Variants in LARP4B observed in about 807,000 individuals in gnomAD.
The protein encoded by LARP4B is la-related protein 4B.
LARP4B carries 12 observed loss-of-function variants against 89.8 expected under a neutral mutation model. The ratio of observed to expected loss-of-function variants is 0.13; its 90% CI spans 0.09 to 0.22. The LOEUF (loss-of-function observed/expected upper bound fraction) is 0.22. Ranked by LOEUF, LARP4B falls within the 10% of genes least tolerant of loss-of-function variation. The pLI, the probability that LARP4B is intolerant of heterozygous loss-of-function variation, is 1.00. For synonymous variants in LARP4B, 367 were observed against 363.3 expected, an observed-to-expected ratio of 1.01 and a Z score of -0.12; for missense variants, 757 against 947.7, an observed-to-expected ratio of 0.80 and a Z score of 2.64.
intron 7 of LARP4B, among the ~76,000 whole-genome samples, chr10:836,951 A>G (rs1833252988): frequency 6.6e-6 from 1 of 152,190 alleles, no homozygotes; most frequent in African/African-American, 2.4e-5. Flanking sequence ...TTTTTACATA[A>G]ATTGGGTTTT....
At chr10:887,505 G>A (rs1028248658) in intron 1 of LARP4B, among the ~76,000 whole-genome samples, 2 of 151,670 alleles carry the variant, frequency 1.3e-5, no homozygotes, top group East Asian at 1.9e-4. Context: ...GAGGTAAGGC[G>A]TTCGAGACCA....
At chr10:882,091 A>C (rs984071352) in intron 3 of LARP4B, among the ~76,000 whole-genome samples, 1 of 150,532 alleles carries the variant, frequency 6.6e-6, no homozygotes, top group South Asian at 2.1e-4. Flanking sequence ...GGGCCTAACT[A>C]TAAGTGGGCC....
chr10:896,728 G>A (rs1277510456), intron 1 of LARP4B, among the ~76,000 whole-genome samples: 2 of 152,066 alleles, frequency 1.3e-5, no homozygotes, highest in African/African-American at 4.8e-5. Context: ...CAAGCTTTTA[G>A]GCATCTTCAG....
intron 1 of LARP4B, among the ~76,000 whole-genome samples, chr10:907,024 C>A (rs1487415603): frequency 1.3e-5 from 2 of 152,202 alleles, no homozygotes; most frequent in East Asian, 3.8e-4. Flanking sequence ...GTGAAAAGAA[C>A]CACAGCTACT....
At chr10:931,066 C>G (rs1343827314) in intron 1 of LARP4B, among the ~76,000 whole-genome samples, 9 of 151,062 alleles carry the variant, frequency 6.0e-5, no homozygotes, top group Non-Finnish European at 8.9e-5. Flanking sequence ...GCACCCAGCT[C>G]CGTCGACTCC....
intron 1 of LARP4B, among the ~76,000 whole-genome samples, chr10:913,459 T>C (rs1417899931): frequency 6.6e-6 from 1 of 152,222 alleles, no homozygotes; most frequent in Non-Finnish European, 1.5e-5. Flanking sequence ...AGTTCATGAC[T>C]TGGGTAGATC....
chr10:832,245 G>A (rs903366822), intron 8 of LARP4B, among the ~76,000 whole-genome samples: 1 of 151,918 alleles, frequency 6.6e-6, no homozygotes, highest in Non-Finnish European at 1.5e-5. Flanking sequence ...GGGTTTCACT[G>A]TGTTAGCCAG....
chr10:919,922 A>G (rs1401906308), intron 1 of LARP4B, among the ~76,000 whole-genome samples: 1 of 152,256 alleles, frequency 6.6e-6, no homozygotes, highest in Non-Finnish European at 1.5e-5. Flanking sequence ...TGTTAACCAG[A>G]ACACCAATTA....
chr10:857,516 G>A (rs751522322), intron 5 of LARP4B, among the ~76,000 whole-genome samples: 3 of 152,196 alleles, frequency 2.0e-5, no homozygotes, highest in Admixed American at 6.5e-5. Context: ...AGCTTGAACT[G>A]TGACCAAGTG....
chr10:964,605 G>A, the LARP4B span, among the ~76,000 whole-genome samples: 4 of 152,152 alleles, frequency 2.6e-5, no homozygotes, highest in East Asian at 1.9e-4. Context: ...CATGTCAGAC[G>A]TCAGAGGCCA....
downstream of LARP4B, chr10:808,056 A>T (rs145300615): frequency 2.6e-5 from 4 of 152,316 alleles, no homozygotes; most frequent in Non-Finnish European, 5.9e-5. Flanking sequence ...GGAATACAAC[A>T]ACTTCAGACT....
At position 864,130 on chromosome 10, in the gene LARP4B, G is replaced by C; in HGVS notation, c.282C>G (p.Gly94=). Residue 94 remains glycine, a synonymous_variant, in exon 4 of 18, where the codon GGC becomes GGG. Transcript: ENST00000316157. The part of the protein sequence containing the change: ...EEVAGHHADR[G]PQGSDANGDG... ...CGGCCATGCTCAACTTACCCTGCGGGCCACGGTCTGCGTGGTGGCCAGCCA... is the reference window on the plus strand; with the variant it reads ...CGGCCATGCTCAACTTACCCTGCGGCCCACGGTCTGCGTGGTGGCCAGCCA... The C allele has an allele frequency of 6.2e-7, 1 of 1,614,172 alleles. No individual in the cohort carries two copies. The highest frequency in any genetic ancestry group is 1.6e-4 in the Middle Eastern group (1 of 6,062).
chr10:896,789 T>C (rs925106634), intron 1 of LARP4B, among the ~76,000 whole-genome samples: 6 of 152,058 alleles, frequency 3.9e-5, no homozygotes, highest in Non-Finnish European at 7.4e-5. Context: ...TGAGAACCAC[T>C]CCACTAATAC....
chr10:856,727 A>G (rs1046800465), intron 5 of LARP4B, among the ~76,000 whole-genome samples: 6 of 152,336 alleles, frequency 3.9e-5, no homozygotes, highest in Admixed American at 3.9e-4. Flanking sequence ...AATACTAGAG[A>G]AAAATCCCTT....
At chr10:953,621 C>T in the LARP4B span, among the ~76,000 whole-genome samples, 10 of 151,614 alleles carry the variant, frequency 6.6e-5, no homozygotes, top group East Asian at 1.2e-3. Flanking sequence ...AGGAAGAAAT[C>T]GCACCAGCCC....
chr10:914,090 T>G (rs1476412029), intron 1 of LARP4B, among the ~76,000 whole-genome samples: 1 of 152,172 alleles, frequency 6.6e-6, no homozygotes, highest in Admixed American at 6.5e-5. Context: ...TTAAATATAT[T>G]TAGGTTATAA....
chr10:865,708 A>G (rs1175758682), intron 3 of LARP4B, among the ~76,000 whole-genome samples: 2 of 152,208 alleles, frequency 1.3e-5, no homozygotes, highest in Non-Finnish European at 2.9e-5. Context: ...AGCACTCCCC[A>G]AAGCCTAAAG....
chr10:843,026 A>G lies in LARP4B; in HGVS notation c.552T>C (p.Asp184=), dbSNP rs1833599333. The G allele has an allele frequency of 6.2e-7, 1 of 1,613,898 alleles. No homozygotes were observed. The highest frequency in any genetic ancestry group is 1.3e-5 in the African/African-American group (1 of 74,946). The change falls in exon 7 of 18, where the codon GAT becomes GAC. Residue 184 remains aspartate, a synonymous_variant. Transcript: ENST00000316157. ...TTGTGATTGGCACATACTGGTCACT[A>G]TCCATCTGTGATATAAGATACATGT... The part of the protein sequence containing the change: ...ASDMYLISQM[D]SDQYVPITTV...
At chr10:976,228 A>G in the LARP4B span, among the ~76,000 whole-genome samples, 1 of 124,856 alleles carries the variant, frequency 8.0e-6, no homozygotes, top group Non-Finnish European at 1.6e-5. Context: ...ATGTAGGCCT[A>G]TCATGCAACG....
Sources: gnomAD v4.1 joint callset for allele counts (sites outside exome capture counted in the v4.1 genomes callset) on GRCh38, gnomAD v4.1.1 for gene constraint, MANE v1.5 for transcripts, NCBI Gene and HGNC (gene_info 2026-07-23, HGNC 2026-07-21) for gene names.